PPOX: variants seen among roughly 807,000 people sequenced by gnomAD.
PPOX encodes the protein protoporphyrinogen oxidase, also known as variegate porphyria.
A neutral mutation model predicts 54.1 loss-of-function variants in PPOX; 23 were observed. That is an observed-to-expected ratio of 0.43 (90% CI 0.31 to 0.60). The LOEUF (loss-of-function observed/expected upper bound fraction) is 0.60, where lower values mean the gene tolerates loss of function less well. Ranked by LOEUF, PPOX falls within the 20% of genes least tolerant of loss-of-function variation. The pLI, the probability that PPOX is intolerant of heterozygous loss-of-function variation, is 0.13. For synonymous variants in PPOX, 224 were observed against 236.1 expected, an observed-to-expected ratio of 0.95 and a Z score of 0.47; for missense variants, 512 against 601.1, an observed-to-expected ratio of 0.85 and a Z score of 1.55.
downstream of PPOX, chr1:161,172,306 A>G: frequency 6.2e-7 from 1 of 1,614,042 alleles, no homozygotes; most frequent in Non-Finnish European, 8.5e-7. Flanking sequence ...GGGGGCCGAG[A>G]GATCTTCATC....
At chr1:161,170,593 C>G (rs535594407) in intron 10 of PPOX, 27 bp from the exon 11 acceptor site, 3 of 1,614,226 alleles carry the variant, frequency 1.9e-6, no homozygotes, top group East Asian at 4.5e-5. Flanking sequence ...CAAGGCCAGA[C>G]TGATCAGTGC....
downstream of PPOX, chr1:161,172,100 G>T (rs781536903): frequency 1.8e-5 from 29 of 1,613,154 alleles, no homozygotes; most frequent in Admixed American, 6.7e-5. Flanking sequence ...CTGAGGGTTA[G>T]AGGTTGGAGA....
chr1:161,172,170 G>C, downstream of PPOX: 1 of 1,611,978 alleles, frequency 6.2e-7, no homozygotes, highest in Non-Finnish European at 8.5e-7. Flanking sequence ...CCTGGCTAGG[G>C]GTACAGAACC....
chr1:161,176,657 C>T, intron 4 of PPOX: 1 of 591,510 alleles, frequency 1.7e-6, no homozygotes, highest in Non-Finnish European at 3.0e-6. Context: ...GGTTTCCCAG[C>T]AGGCGAAGTG....
chr1:161,170,967 C>T lies in PPOX; in HGVS notation c.1291+18C>T, dbSNP rs529336973. On this transcript the variant is annotated intron_variant, in intron 12 of 12. Transcript: ENST00000367999. ...AAAACTAGGTAAGTTGGGAAAACAGCTGGGCTGAGGAGGGCCAAGGACATC... is the reference window on the plus strand; with the variant it reads ...AAAACTAGGTAAGTTGGGAAAACAGTTGGGCTGAGGAGGGCCAAGGACATC... 3.8e-5 allele frequency: 62 copies of T among 1,614,128 alleles called. No individual in the cohort carries two copies. In the South Asian group the frequency reaches 6.3e-4, roughly 16 times the overall value.
chr1:161,170,520 G>A lies in PPOX; in HGVS notation c.1098+1G>A. On this transcript the variant is annotated splice_donor_variant, in intron 10 of 12. Coordinates refer to ENST00000367999, the MANE Select transcript of PPOX (RefSeq NM_001122764.3). LOFTEE classifies it high-confidence loss of function. ...GAGCCCCCCTGGCCTCAGAGTGACT[G>A]TGAGGAGGAGGAAACTTTGCCTAGT... is the stretch of plus-strand genomic sequence containing the variant. 6.2e-7 allele frequency: 1 copy of A among 1,614,026 alleles called. No homozygotes were observed. The highest frequency in any genetic ancestry group is 8.5e-7 in the Non-Finnish European group (1 of 1,179,850).
Position 161,166,926 on chromosome 1 carries a change from C to G in PPOX, c.79C>G (p.Pro27Ala), listed in dbSNP as rs765694639. Residue 27 changes from proline to alanine, a missense_variant, in exon 2 of 13, where the codon CCC becomes GCC. Physicochemically the swap from Pro to Ala is conservative, Grantham distance 27 (BLOSUM62 -1). Transcript: ENST00000367999. ...ASYHLSRAPC[P>A]PKVVLVESSE... ...TTACCACCTGAGCCGGGCCCCCTGCCCCCCTAAGGTGAGTGCTCCACTTGT... is the reference window on the plus strand; with the variant it reads ...TTACCACCTGAGCCGGGCCCCCTGCGCCCCTAAGGTGAGTGCTCCACTTGT... 2.5e-6 allele frequency: 4 copies of G among 1,613,866 alleles called. No individual in the cohort carries two copies. The East Asian group carries it at 8.9e-5, about 36-fold the overall frequency.
downstream of PPOX, chr1:161,173,481 G>T: frequency 7.2e-7 from 1 of 1,388,164 alleles, no homozygotes; most frequent in Non-Finnish European, 1.0e-6. Flanking sequence ...CTAAGGGAAA[G>T]GAATGGGCTC....
upstream of PPOX, chr1:161,166,086 G>A: frequency 1.0e-6 from 1 of 985,220 alleles, no homozygotes; most frequent in Non-Finnish European, 1.2e-6. Context: ...GCCTCCCCGT[G>A]GACTGGCCTT....
At chr1:161,175,748 A>G, downstream of PPOX, 1 of 1,588,702 alleles carries the variant, frequency 6.3e-7, no homozygotes, top group South Asian at 1.1e-5. Context: ...CCCTATCCCC[A>G]AGCCTCCCTG....
chr1:161,169,582 AGAGT>A (rs1660413465), intron 7 of PPOX, 74 bp from the exon 8 acceptor site: 10 of 1,450,336 alleles, frequency 6.9e-6, no homozygotes, highest in Non-Finnish European at 9.7e-6. Context: ...TGGGAAACTG[AGAGT>A]GAGGCACCAG....
intron 9 of PPOX, 73 bp from the exon 10 acceptor site, chr1:161,170,336 C>CA: frequency 1.5e-5 from 12 of 807,658 alleles, no homozygotes; most frequent in Admixed American, 2.0e-5. Context: ...CCCACCCCCC[C>CA]AAAAAAATGG....
At chr1:161,175,172 G>C, downstream of PPOX, 1 of 1,613,646 alleles carries the variant, frequency 6.2e-7, no homozygotes, top group Non-Finnish European at 8.5e-7. Flanking sequence ...CGGGGATTCC[G>C]CTCCACAATC....
rs780277900 is a variant in PPOX, at chr1:161,170,896, T to G, written c.1249-11T>G. ...ATAAACTTTTCCCTGCATCCTCTCCTCTCTTCTCAGAACTGCATTCCCCAG... is the reference window on the plus strand; with the variant it reads ...ATAAACTTTTCCCTGCATCCTCTCCGCTCTTCTCAGAACTGCATTCCCCAG... On this transcript the variant is annotated splice_polypyrimidine_tract_variant and intron_variant, in intron 11 of 12. Transcript: ENST00000367999. 3.1e-6 allele frequency: 5 copies of G among 1,614,050 alleles called. No homozygotes were observed. The highest frequency in any genetic ancestry group is 3.4e-6 in the Non-Finnish European group (4 of 1,180,030).
chr1:161,177,438 C>T (rs778228478), downstream of PPOX: 62 of 179,444 alleles, frequency 3.5e-4, 1 homozygote, highest in Non-Finnish European at 5.9e-4. Flanking sequence ...CTTTTGCTGC[C>T]TGTCGTCACC....
downstream of PPOX, chr1:161,171,475 CGAG>C (rs1558042508): frequency 1.0e-5 from 6 of 587,460 alleles, no homozygotes; most frequent in South Asian, 6.1e-5. Flanking sequence ...CACAGAGGTC[CGAG>C]GAGAAGCCAG....
At chr1:161,172,422 A>G, downstream of PPOX, 1 of 1,137,502 alleles carries the variant, frequency 8.8e-7, no homozygotes, top group Non-Finnish European at 1.2e-6. Context: ...AAAAACAACT[A>G]TTACTTAGTA....
Position 161,167,468 on chromosome 1 carries a change from C to A in PPOX, c.320C>A (p.Ala107Asp). Residue 107 changes from alanine to aspartate, a missense_variant, in exon 4 of 13, where the codon GCC becomes GAC. Physicochemically the swap from Ala to Asp is moderately radical, Grantham distance 126. Coordinates refer to ENST00000367999, the MANE Select transcript of PPOX (RefSeq NM_001122764.3). ...RFLYVGGALH[A>D]LPTGLRGLLR... The stretch of plus-strand genomic sequence containing the variant: ...CTCTACGTGGGCGGTGCCCTGCATG[C>A]CCTACCCACTGGCCTCAGGTAACAC... 3.7e-6 allele frequency: 6 copies of A among 1,612,566 alleles called. No homozygotes were observed. The South Asian group carries it at 6.6e-5, about 18-fold the overall frequency.
In PPOX at chr1:161,166,910, G is replaced by C. The variant is rs1387449868; in HGVS notation, c.63G>C (p.Leu21=). 3.7e-6 allele frequency: 6 copies of C among 1,613,936 alleles called. No homozygotes were observed. The South Asian group carries it at 6.6e-5, about 18-fold the overall frequency. Residue 21 remains leucine (L), a synonymous_variant, in exon 2 of 13, where the codon CTG becomes CTC. Coordinates refer to ENST00000367999, the MANE Select transcript of PPOX (RefSeq NM_001122764.3). ...GCGGCTTGGCCGCCAGTTACCACCT[G>C]AGCCGGGCCCCCTGCCCCCCTAAGG... ...GISGLAASYH[L]SRAPCPPKVV...
Sources: gnomAD v4.1 joint callset for allele counts on GRCh38, gnomAD v4.1.1 for gene constraint, MANE v1.5 for transcripts, NCBI Gene and HGNC (gene_info 2026-07-23, HGNC 2026-07-21) for gene names.